The following SCN2A variants were observed in gnomAD, a reference collection of about 807,000 sequenced individuals.
SCN2A encodes sodium channel protein type 2 subunit alpha.
Under a neutral mutation model 188.7 loss-of-function variants are expected in SCN2A, and 20 were observed. The ratio of observed to expected loss-of-function variants is 0.11; its 90% confidence interval spans 0.07 to 0.15. The LOEUF is 0.15. Ranked by LOEUF, SCN2A falls within the 10% of genes least tolerant of loss-of-function variation. SCN2A has a pLI of 1.00. For missense variants in SCN2A, 1,278 were observed against 2,445.0 expected (o/e 0.52, Z 10.07); for synonymous variants, 804 against 833.1 (o/e 0.97, Z 0.60).
chr2:165,274,803 C>T (rs1695263519), intron 1 of SCN2A, among the ~76,000 whole-genome samples: 1 of 152,156 alleles, frequency 6.6e-6, no homozygotes, highest in African/African-American at 2.4e-5. Flanking sequence ...TTCTTGGGTC[C>T]ACCCTGCAGG....
intron 16 of SCN2A, among the ~76,000 whole-genome samples, chr2:165,349,500 T>C (rs1699776253): frequency 1.3e-5 from 2 of 152,166 alleles, no homozygotes; most frequent in Admixed American, 6.5e-5. Flanking sequence ...CATATCTCTC[T>C]AATGTATAAA....
At chr2:165,265,822 T>G (rs2106095793) in intron 1 of SCN2A, among the ~76,000 whole-genome samples, 1 of 151,644 alleles carries the variant, frequency 6.6e-6, no homozygotes, top group African/African-American at 2.4e-5. Flanking sequence ...TCTTTCTTTC[T>G]TCTTTTTTTT....
At chr2:165,355,182 T>C (rs977860046) in intron 17 of SCN2A, among the ~76,000 whole-genome samples, 3 of 152,198 alleles carry the variant, frequency 2.0e-5, no homozygotes, top group African/African-American at 7.2e-5. Flanking sequence ...GATATTTATG[T>C]ATAGTTTATC....
chr2:165,263,812 T>A (rs1403878433), intron 1 of SCN2A, among the ~76,000 whole-genome samples: 1 of 152,094 alleles, frequency 6.6e-6, no homozygotes, highest in Non-Finnish European at 1.5e-5. Context: ...GTCTATGATT[T>A]CTTTCAGCAG....
chr2:165,383,516 T>C (rs1206645604), intron 25 of SCN2A, among the ~76,000 whole-genome samples: 1 of 152,088 alleles, frequency 6.6e-6, no homozygotes, highest in African/African-American at 2.4e-5. Context: ...GTAGTTTTCA[T>C]CCTAAGAGCA....
At chr2:165,305,351 A>C (rs1697060754) in intron 3 of SCN2A, among the ~76,000 whole-genome samples, 2 of 152,346 alleles carry the variant, frequency 1.3e-5, no homozygotes, top group African/African-American at 2.4e-5. Context: ...TCCTATGGAC[A>C]ATCAAGTATG....
At chr2:165,256,322 A>G (rs750421608) in intron 1 of SCN2A, among the ~76,000 whole-genome samples, 1 of 152,146 alleles carries the variant, frequency 6.6e-6, no homozygotes, top group East Asian at 1.9e-4. Flanking sequence ...TTTAATGTAA[A>G]TACTATTCCA....
Position 165,310,515 on chromosome 2 carries a change from A to G in SCN2A, c.890A>G (p.Asn297Ser), listed in dbSNP as rs796053174. The G allele has an allele frequency of 6.2e-7, 1 of 1,613,290 alleles. No individual in the cohort carries two copies. Among genetic ancestry groups the G allele is most frequent in the Non-Finnish European group, 8.5e-7 (1 of 1,179,402 alleles). Reference sequence around the variant, plus strand: ...GAAATAAATATCACTTCCTTCTTTAACAATTCATTGGATGGGAATGGTACT... The same window carrying G: ...GAAATAAATATCACTTCCTTCTTTAGCAATTCATTGGATGGGAATGGTACT... Reference protein sequence around the residue: ...SFEINITSFFNNSLDGNGTTF... With the variant: ...SFEINITSFFSNSLDGNGTTF... The change falls in exon 7 of 27, where the codon AAC (asparagine) becomes AGC (serine). Residue 297 changes from asparagine (N) to serine (S), a missense_variant. Asn to Ser is a conservative substitution (Grantham distance 46, BLOSUM62 1). This residue lies in a region of SCN2A where 45 missense variants were observed against 58.1 expected (regional missense o/e 0.77). Coordinates refer to ENST00000375437, the MANE Select transcript of SCN2A (RefSeq NM_001040142.2).
At chr2:165,331,798 A>G (rs1013726384) in intron 14 of SCN2A, among the ~76,000 whole-genome samples, 2 of 152,164 alleles carry the variant, frequency 1.3e-5, no homozygotes, top group African/African-American at 2.4e-5. Flanking sequence ...CTTATTTATT[A>G]GAAGATGATT....
chr2:165,284,961 A>G (rs1695765835), intron 1 of SCN2A, among the ~76,000 whole-genome samples: 2 of 152,244 alleles, frequency 1.3e-5, no homozygotes, highest in Admixed American at 6.5e-5. Context: ...GTCTACCTAC[A>G]GTAAAATAAA....
intron 1 of SCN2A, among the ~76,000 whole-genome samples, chr2:165,265,475 A>C (rs867080840): frequency 0.034 from 2,397 of 69,544 alleles, 91 homozygotes; most frequent in East Asian, 0.21. Context: ...GTTGATCTAT[A>C]TATATATATA....
At chr2:165,362,124 C>A (rs774788443) in intron 17 of SCN2A, among the ~76,000 whole-genome samples, 1 of 151,874 alleles carries the variant, frequency 6.6e-6, no homozygotes, top group African/African-American at 2.4e-5. Flanking sequence ...ACAAGGGTGA[C>A]GAAAACATGA....
chr2:165,263,482 G>A (rs949314279), intron 1 of SCN2A, among the ~76,000 whole-genome samples: 1 of 152,050 alleles, frequency 6.6e-6, no homozygotes, highest in African/African-American at 2.4e-5. Context: ...TTATTGAATA[G>A]GGAGTCTTTT....
chr2:165,327,155 A>ATT, intron 13 of SCN2A, 171 bp downstream of exon 13: 20 of 647,372 alleles, frequency 3.1e-5, no homozygotes, highest in East Asian at 9.8e-5. Context: ...TCTTCCACAG[A>ATT]TTTTTTTTTT....
intron 14 of SCN2A, among the ~76,000 whole-genome samples, chr2:165,335,487 A>G (rs985552986): frequency 3.3e-5 from 5 of 151,886 alleles, no homozygotes; most frequent in Admixed American, 3.3e-4. Flanking sequence ...CAAGACCACT[A>G]GACAATTTTA....
intron 1 of SCN2A, among the ~76,000 whole-genome samples, chr2:165,282,383 G>T (rs1029770794): frequency 1.3e-5 from 2 of 152,102 alleles, no homozygotes; most frequent in Non-Finnish European, 2.9e-5. Flanking sequence ...TGGGGGATGG[G>T]GGCAGACATT....
At chr2:165,258,037 G>T (rs13423720) in intron 1 of SCN2A, among the ~76,000 whole-genome samples, 4,533 of 151,944 alleles carry the variant, frequency 0.03, 219 homozygotes, top group African/African-American at 0.099. Context: ...CTGTAAATTT[G>T]TTTAAATTAC....
chr2:165,283,023 T>A (rs960383912), intron 1 of SCN2A, among the ~76,000 whole-genome samples: 5 of 152,260 alleles, frequency 3.3e-5, no homozygotes, highest in African/African-American at 1.2e-4. Context: ...TGAAACACAT[T>A]GATGGTAATG....
Position 165,347,370 on chromosome 2 carries a change from C to A in SCN2A, c.2919+2459C>A, listed in dbSNP as rs188079943. Reference sequence around the variant, plus strand: ...GAAAACCAAACACTATATGTTCTCACTCATAAGTGGGAGTTGAACAATGAG... The same window carrying A: ...GAAAACCAAACACTATATGTTCTCAATCATAAGTGGGAGTTGAACAATGAG... On this transcript the variant is annotated intron_variant, in intron 16 of 26. Coordinates refer to ENST00000375437, the MANE Select transcript of SCN2A (RefSeq NM_001040142.2). Among the ~76,000 whole-genome samples the A allele has an allele frequency of 2.0e-5, 3 of 151,966 alleles. No individual in the cohort carries two copies. In the East Asian group the frequency reaches 5.8e-4, roughly 30 times the overall value.
Sources: allele counts gnomAD v4.1 joint callset (sites outside exome capture counted in the v4.1 genomes callset), GRCh38; gene constraint gnomAD v4.1.1; regional missense constraint gnomAD v4.1.1; transcripts MANE v1.5; gene names NCBI Gene and HGNC (gene_info 2026-07-23, HGNC 2026-07-21).